Variants in COL23A1 observed in about 807,000 individuals in gnomAD.
COL23A1 encodes collagen type XXIII alpha 1 chain.
A neutral mutation model predicts 99.3 loss-of-function variants in COL23A1; 97 were observed. That is an observed-to-expected ratio of 0.98 (90% CI 0.83 to 1.16). The LOEUF (loss-of-function observed/expected upper bound fraction) is 1.16. COL23A1 is among the 50% of genes most tolerant of loss of function. COL23A1 has a pLI of 0.00. For synonymous variants in COL23A1, 320 were observed against 308.2 expected (o/e 1.04, Z -0.40); for missense variants, 762 against 757.4 (o/e 1.01, Z -0.07).
intron 2 of COL23A1, among the ~76,000 whole-genome samples, chr5:178,423,685 C>T (rs945844686): frequency 1.3e-5 from 2 of 152,122 alleles, no homozygotes; most frequent in South Asian, 4.1e-4. Flanking sequence ...CTTGTTTGAT[C>T]CTACTCTAGC....
chr5:178,355,653 C>T (rs1324219766), intron 2 of COL23A1, among the ~76,000 whole-genome samples: 1 of 152,224 alleles, frequency 6.6e-6, no homozygotes, highest in Non-Finnish European at 1.5e-5. Context: ...CTGCCTCAGC[C>T]TCCCGAGTAG....
chr5:178,408,808 AG>A (rs1170543994), intron 2 of COL23A1, among the ~76,000 whole-genome samples: 1 of 151,954 alleles, frequency 6.6e-6, no homozygotes, highest in South Asian at 2.1e-4. Context: ...TACAAAAATT[AG>A]CTGGGTGTGG....
chr5:178,350,742 G>A (rs1422851505), intron 2 of COL23A1: 1 of 152,336 alleles, frequency 6.6e-6, no homozygotes, highest in Non-Finnish European at 1.5e-5. Context: ...CAGCCCGTTA[G>A]GCCCTGTGTG....
In COL23A1 at chr5:178,439,959, A is replaced by G. The variant is rs1766769351; in HGVS notation, c.361+120723T>C. On this transcript the variant is annotated intron_variant, in intron 2 of 28. Coordinates refer to ENST00000390654, the MANE Select transcript of COL23A1 (RefSeq NM_173465.4). This position sits in a 1 kb window ranked among gnomAD's most constrained non-coding sequence, Gnocchi z 4.2. Reference sequence around the variant, plus strand: ...GAGTCCATGTGTACACGGTTTCTAGAAAGGACAAATCTGCAGAGACAGAAA... The same window carrying G: ...GAGTCCATGTGTACACGGTTTCTAGGAAGGACAAATCTGCAGAGACAGAAA... 6.6e-6 allele frequency: 1 copy of G among 152,178 alleles called. No homozygotes were observed. Among genetic ancestry groups the G allele is most frequent in the African/African-American group, 2.4e-5 (1 of 41,434 alleles). The allele number at this position is 152,178 out of a possible 1,614,324, so 9.4% of individuals were successfully genotyped here.
At chr5:178,315,297 C>T (rs1041833707) in intron 2 of COL23A1, among the ~76,000 whole-genome samples, 12 of 152,154 alleles carry the variant, frequency 7.9e-5, no homozygotes, top group African/African-American at 2.9e-4. Flanking sequence ...TTGGAGGGCT[C>T]AGGCAAGGGG....
At chr5:178,484,349 G>A (rs1277048658) in intron 2 of COL23A1, among the ~76,000 whole-genome samples, 2 of 152,236 alleles carry the variant, frequency 1.3e-5, no homozygotes, top group Non-Finnish European at 1.5e-5. Context: ...TTGAAAGAAC[G>A]AAGATTGGGT....
chr5:178,499,247 C>G (rs576292884), intron 2 of COL23A1, among the ~76,000 whole-genome samples: 2 of 152,000 alleles, frequency 1.3e-5, no homozygotes, highest in Admixed American at 1.3e-4. Context: ...CCTATGAAAC[C>G]GGACATGGTG....
chr5:178,241,865 A>T (rs534169405), intron 27 of COL23A1, among the ~76,000 whole-genome samples, 177 bp downstream of exon 27: 1 of 152,336 alleles, frequency 6.6e-6, no homozygotes, highest in South Asian at 2.1e-4. Flanking sequence ...GACCAGAGCA[A>T]GGGGAACCGC....
chr5:178,349,521 GC>G (rs1379264227), intron 2 of COL23A1, among the ~76,000 whole-genome samples: 7 of 38,418 alleles, frequency 1.8e-4, no homozygotes, highest in South Asian at 9.2e-4. Context: ...CCCACACCTG[GC>G]CCTCCCTAGG....
chr5:178,263,373 C>T (rs1465411942), intron 8 of COL23A1, 49 bp from the exon 9 acceptor site: 8 of 1,221,602 alleles, frequency 6.5e-6, no homozygotes, highest in Admixed American at 2.3e-5. Flanking sequence ...GGGGTCCAGC[C>T]TCCAGAGAGA....
Position 178,260,187 on chromosome 5 carries a change from C to T in COL23A1, c.703-440G>A, listed in dbSNP as rs921754337. Among the ~76,000 whole-genome samples, 5 of 152,244 alleles carry T rather than the reference C, an allele frequency of 3.3e-5. No individual in the cohort carries two copies. The East Asian group carries it at 9.6e-4, about 29-fold the overall frequency. ...GACAAGCTAACATGGTGGGAAACCA[C>T]ATCCACGTGAAAACCTGCACATGGA... On this transcript the variant is annotated intron_variant, in intron 11 of 28. Transcript: ENST00000390654.
At chr5:178,573,900 C>T (rs1763226020) in intron 1 of COL23A1, among the ~76,000 whole-genome samples, 1 of 152,002 alleles carries the variant, frequency 6.6e-6, no homozygotes, top group African/African-American at 2.4e-5. Context: ...GCTCTGTCAC[C>T]CAGGCTGGAG....
intron 10 of COL23A1, 39 bp from the exon 11 acceptor site, chr5:178,261,787 G>C: frequency 6.5e-7 from 1 of 1,550,102 alleles, no homozygotes; most frequent in Non-Finnish European, 8.9e-7. Context: ...TGTCATACTG[G>C]AGGCTGCTCC....
chr5:178,381,964 CT>C (rs1379867536), intron 2 of COL23A1, among the ~76,000 whole-genome samples: 2 of 152,210 alleles, frequency 1.3e-5, no homozygotes, highest in African/African-American at 2.4e-5. Flanking sequence ...TCAAATTGGC[CT>C]GTGCCCCCTC....
chr5:178,272,663 T>C (rs1023743624), intron 5 of COL23A1, among the ~76,000 whole-genome samples: 1 of 152,144 alleles, frequency 6.6e-6, no homozygotes, highest in Non-Finnish European at 1.5e-5. Flanking sequence ...TCTTGCCAGT[T>C]CCCGGCTGTC....
chr5:178,240,681 T>C (rs13359656), intron 27 of COL23A1, among the ~76,000 whole-genome samples: 16,193 of 152,214 alleles, frequency 0.11, 1,100 homozygotes, highest in African/African-American at 0.19. Flanking sequence ...CCTTTTCTCA[T>C]TGACTTCTCA....
In COL23A1 at chr5:178,309,784, T is replaced by TCAGTCCCC. The variant is rs1409239327; in HGVS notation, c.362-2873_362-2866dup. Among the ~76,000 whole-genome samples the TCAGTCCCC allele has an allele frequency of 6.6e-6, 1 of 150,390 alleles. No individual in the cohort carries two copies. The highest frequency in any genetic ancestry group is 2.5e-5 in the African/African-American group (1 of 40,490). The stretch of plus-strand genomic sequence containing the variant: ...CATCAGGCGAACGCTGCCCCTGCAC[T>TCAGTCCCC]CAGTCCCCCACTCTGCCACTCGCTC... On this transcript the variant is annotated intron_variant, in intron 2 of 28. Coordinates refer to ENST00000390654, the MANE Select transcript of COL23A1 (RefSeq NM_173465.4). The surrounding 1 kb of genome is among the most constrained non-coding windows in gnomAD (Gnocchi z 4.7).
chr5:178,433,614 G>A (rs1052820906), intron 2 of COL23A1, among the ~76,000 whole-genome samples: 1 of 152,102 alleles, frequency 6.6e-6, no homozygotes, highest in African/African-American at 2.4e-5. Context: ...GCTCTCCAGG[G>A]GCCCTGAGCC....
In COL23A1 at chr5:178,240,804, G is replaced by A. The variant is rs183663994; in HGVS notation, c.1581+1238C>T. On this transcript the variant is annotated intron_variant, in intron 27 of 28. Coordinates refer to ENST00000390654, the MANE Select transcript of COL23A1 (RefSeq NM_173465.4). The stretch of plus-strand genomic sequence containing the variant: ...TCTGGCACCGCTGGAGGTTGAGGCC[G>A]GCCTGCACACATCCCCGTGGCTGGA... Among the ~76,000 whole-genome samples, 34 of 152,334 alleles carry A rather than the reference G, an allele frequency of 2.2e-4. No homozygotes were observed. In the East Asian group the frequency reaches 3.9e-3, roughly 17 times the overall value.
Sources: allele counts gnomAD v4.1 joint callset (sites outside exome capture counted in the v4.1 genomes callset), GRCh38; gene constraint gnomAD v4.1.1; non-coding constraint Gnocchi (gnomAD v3.1); transcripts MANE v1.5; gene names NCBI Gene and HGNC (gene_info 2026-07-23, HGNC 2026-07-21).